ACACA: variants seen among roughly 807,000 people sequenced by gnomAD.
ACACA encodes the protein acetyl-CoA carboxylase alpha, also known as acetyl-CoA carboxylase 1.
In ACACA, 103 loss-of-function variants were observed where a neutral mutation model predicts 296.1. The ratio of observed to expected loss-of-function variants is 0.35; its 90% CI spans 0.30 to 0.41. The LOEUF (loss-of-function observed/expected upper bound fraction) is 0.41, where lower values mean the gene tolerates loss of function less well. Among genes scored for constraint, ACACA ranks in the 10% least tolerant of loss-of-function variants. The probability of loss-of-function intolerance (pLI) is 1.00; values close to 1 mark genes in which losing one functional copy is unlikely to be tolerated. For missense variants in ACACA, 1,554 were observed against 2,989.7 expected (o/e 0.52, Z 11.20); for synonymous variants, 953 against 1,038.6 (o/e 0.92, Z 1.58).
intron 1 of ACACA, among the ~76,000 whole-genome samples, chr17:37,370,484 T>TAAAAAAA (rs772679026): frequency 1.3e-5 from 1 of 76,250 alleles, no homozygotes; most frequent in Non-Finnish European, 2.7e-5. Context: ...TAGTCTCTAC[T>TAAAAAAA]AAAAAAAAAA....
chr17:37,272,170 C>T (rs979086117), intron 9 of ACACA, among the ~76,000 whole-genome samples: 4 of 151,974 alleles, frequency 2.6e-5, no homozygotes, highest in African/African-American at 9.7e-5. Context: ...TTGGTGAAAC[C>T]CTGTCTGCAC....
intron 52 of ACACA, among the ~76,000 whole-genome samples, chr17:37,107,637 G>A (rs572998598): frequency 3.9e-5 from 6 of 152,230 alleles, no homozygotes; most frequent in Non-Finnish European, 7.3e-5. Flanking sequence ...GTTCTGTGTG[G>A]GCGCAGTGCG....
chr17:37,384,637 T>C (rs1177079155), intron 1 of ACACA, among the ~76,000 whole-genome samples: 1 of 152,248 alleles, frequency 6.6e-6, no homozygotes, highest in Non-Finnish European at 1.5e-5. Flanking sequence ...ATGTGACTTA[T>C]AAACATGTAA....
At chr17:37,099,670 G>A (rs1168477867) in intron 52 of ACACA, among the ~76,000 whole-genome samples, 2 of 151,162 alleles carry the variant, frequency 1.3e-5, no homozygotes, top group African/African-American at 4.9e-5. Flanking sequence ...ATGGAGGGAG[G>A]GCTGATGGCA....
At chr17:37,207,182 G>A (rs1017551056) in intron 31 of ACACA, among the ~76,000 whole-genome samples, 7 of 151,882 alleles carry the variant, frequency 4.6e-5, no homozygotes, top group African/African-American at 1.2e-4. Context: ...TGTCATCATC[G>A]GTCTTAAAGT....
chr17:37,244,789 A>T, intron 20 of ACACA, 55 bp from the exon 21 acceptor site: 1 of 1,605,978 alleles, frequency 6.2e-7, no homozygotes, highest in Non-Finnish European at 8.5e-7. Flanking sequence ...TAAGGTACAA[A>T]CACACCACTG....
intron 33 of ACACA, among the ~76,000 whole-genome samples, 178 bp downstream of exon 33, chr17:37,205,587 T>C (rs1598170332): frequency 6.6e-6 from 1 of 152,170 alleles, no homozygotes; most frequent in African/African-American, 2.4e-5. Context: ...CACACAAAGA[T>C]ATTCATTATA....
chr17:37,228,183 A>T (rs1386030888), intron 25 of ACACA, among the ~76,000 whole-genome samples: 5 of 138,008 alleles, frequency 3.6e-5, no homozygotes, highest in Non-Finnish European at 6.3e-5. Flanking sequence ...CAATGCCATT[A>T]TGCTGGGAAG....
Position 37,260,283 on chromosome 17 carries a change from TATATATATATA to T in ACACA, c.1330-764_1330-754del, listed in dbSNP as rs1203298969. Among the ~76,000 whole-genome samples, 123 of 38,820 alleles carry T rather than the reference TATATATATATA, an allele frequency of 3.2e-3. 8 individuals are homozygous for T. In the South Asian group the frequency reaches 0.039, roughly 12 times the overall value. 25.5% of individuals were successfully genotyped at this position (38,820 alleles called of 152,430 possible). ...ATATATATATATATATATATATATA[TATATATATATA>T]TATTTTTTTTTTTTTTTTTTTTGGA... is the stretch of plus-strand genomic sequence containing the variant. On this transcript the variant is annotated intron_variant, in intron 11 of 55. Transcript: ENST00000616317.
At chr17:37,224,563 T>C (rs937475498) in intron 27 of ACACA, among the ~76,000 whole-genome samples, 2 of 152,158 alleles carry the variant, frequency 1.3e-5, no homozygotes, top group African/African-American at 4.8e-5. Flanking sequence ...AATTAAATGA[T>C]ACTTAAATAG....
chr17:37,248,655 G>A lies in ACACA; in HGVS notation c.2101C>T (p.His701Tyr), dbSNP rs1232590485. The A allele has an allele frequency of 1.2e-6, 2 of 1,610,632 alleles. No homozygotes were observed. The change falls in exon 17 of 56, where the codon CAT becomes TAT. Residue 701 changes from histidine to tyrosine, a missense_variant. This residue lies in a region of ACACA where 316 missense variants were observed against 540.9 expected (regional missense o/e 0.58). Transcript: ENST00000616317. ...ACATCTACTGTATTCAGAAGTGTAT[G>A]AGCAGGAAGGACTTGACCCCTGAAA... ...SLERGQVLPA[H>Y]TLLNTVDVEL... is the part of the protein sequence containing the mutation.
chr17:37,123,056 T>C (rs1323353560), intron 48 of ACACA, among the ~76,000 whole-genome samples: 1 of 152,220 alleles, frequency 6.6e-6, no homozygotes, highest in Non-Finnish European at 1.5e-5. Context: ...TAACTTTTAA[T>C]GAGGACTGAC....
At position 37,248,681 on chromosome 17, in the gene ACACA, G is replaced by GAAC. The variant is rs147020148; in HGVS notation, c.2082-10_2082-8dup. On this transcript the variant is annotated splice_polypyrimidine_tract_variant and splice_region_variant and intron_variant, in intron 16 of 55. Transcript: ENST00000616317. ...AGCAGGAAGGACTTGACCCCTGAAA[G>GAAC]AACGATGAGAGAGGAACTTACTACA... The GAAC allele has an allele frequency of 2.4e-3, 3,809 of 1,592,672 alleles. 68 individuals are homozygous for GAAC. The African/African-American group carries it at 0.039, about 16-fold the overall frequency.
chr17:37,088,996 C>G lies in ACACA; in HGVS notation c.6970G>C (p.Val2324Leu). Residue 2324 changes from valine (V) to leucine (L), a missense_variant, in exon 55 of 56, where the codon GTA becomes CTA. By Grantham distance (32) the Val-to-Leu change is conservative (BLOSUM62 1). Around this residue, in one of 16 missense-constraint regions of ACACA, gnomAD observed 553 missense variants for 1,043.6 expected, o/e 0.53. Coordinates refer to ENST00000616317, the MANE Select transcript of ACACA (RefSeq NM_198834.3). ...ATGCATTTGATGTTTTCCTCTATTA[C>G]CGAGTGAACACCATCCTCCTCTGTC... ...QLTEEDGVHS[V>L]IEENIKCISR... The G allele has an allele frequency of 6.2e-7, 1 of 1,614,190 alleles. No individual in the cohort carries two copies. Among genetic ancestry groups the G allele is most frequent in the Non-Finnish European group, 8.5e-7 (1 of 1,180,040 alleles).
At chr17:37,117,754 C>T (rs1192270348) in intron 50 of ACACA, among the ~76,000 whole-genome samples, 1 of 151,488 alleles carries the variant, frequency 6.6e-6, no homozygotes, top group Non-Finnish European at 1.5e-5. Context: ...TATATCTTTA[C>T]TGCTCGAATT....
chr17:37,241,196 A>C (rs1178854247), intron 23 of ACACA, among the ~76,000 whole-genome samples: 3 of 149,420 alleles, frequency 2.0e-5, no homozygotes, highest in African/African-American at 7.5e-5. Flanking sequence ...CCCTGTCTCC[A>C]AAAAAAATAA....
At chr17:37,285,065 C>CTT in intron 3 of ACACA, 95 bp from the exon 4 acceptor site, 2 of 1,363,738 alleles carry the variant, frequency 1.5e-6, no homozygotes, top group Non-Finnish European at 2.1e-6. Flanking sequence ...ACAACTGCAT[C>CTT]CTGTGAAGAC....
intron 45 of ACACA, chr17:37,143,839 TCCTTCAGCTTCGCAG>T: frequency 6.8e-7 from 1 of 1,480,922 alleles, no homozygotes; most frequent in South Asian, 1.1e-5. Context: ...TTCGTATTTT[TCCTTCAGCTTCGCAG>T]CCTTCTTTTC....
intron 23 of ACACA, among the ~76,000 whole-genome samples, chr17:37,241,447 G>C (rs534017330): frequency 9.2e-5 from 14 of 152,268 alleles, no homozygotes; most frequent in Non-Finnish European, 1.8e-4. Flanking sequence ...GCTCATGCCT[G>C]TAATCCCAAC....
Sources: allele counts gnomAD v4.1 joint callset (sites outside exome capture counted in the v4.1 genomes callset), GRCh38; gene constraint gnomAD v4.1.1; regional missense constraint gnomAD v4.1.1; transcripts MANE v1.5; gene names NCBI Gene and HGNC (gene_info 2026-07-23, HGNC 2026-07-21).